SACS: variants seen among roughly 807,000 people sequenced by gnomAD.
SACS encodes sacsin.
A neutral mutation model predicts 348.0 loss-of-function variants in SACS; 197 were observed. The ratio of observed to expected loss-of-function variants is 0.57; its 90% CI spans 0.50 to 0.64. SACS has a LOEUF of 0.64. Among genes scored for constraint, SACS ranks in the 30% least tolerant of loss-of-function variants. SACS has a pLI of 0.00. For missense variants in SACS, 4,999 were observed against 5,360.8 expected (o/e 0.93, Z 2.11); for synonymous variants, 1,985 against 1,910.6 (o/e 1.04, Z -1.02).
In SACS at chr13:23,336,659, G is replaced by T. The variant is rs1478238617; in HGVS notation, c.7217C>A (p.Ser2406Tyr). The T allele has an allele frequency of 1.2e-6, 2 of 1,613,704 alleles. No homozygotes were observed. The highest frequency in any genetic ancestry group is 2.2e-5 in the South Asian group (2 of 91,048). Residue 2406 changes from serine (S) to tyrosine (Y), a missense_variant, in exon 10 of 10, where the codon TCT becomes TAT. By Grantham distance (144) the Ser-to-Tyr change is moderately radical (BLOSUM62 -2). Coordinates refer to ENST00000382292, the MANE Select transcript of SACS (RefSeq NM_014363.6). Reference sequence around the variant, plus strand: ...CTTTGTTCCTCTTTCTTGATCAATAGATTCCAAAACAAGAGCAAAATCTTC... The same window carrying T: ...CTTTGTTCCTCTTTCTTGATCAATATATTCCAAAACAAGAGCAAAATCTTC... ...TVEDFALVLE[S>Y]IDQERGTKQI...
intron 1 of SACS, among the ~76,000 whole-genome samples, chr13:23,424,291 C>G (rs1346379892): frequency 6.6e-6 from 1 of 151,946 alleles, no homozygotes; most frequent in African/African-American, 2.4e-5. Context: ...TTTGGGAGGC[C>G]AAAGCGGGCA....
intron 5 of SACS, among the ~76,000 whole-genome samples, chr13:23,367,799 G>T (rs1443080927): frequency 1.3e-5 from 2 of 152,104 alleles, no homozygotes. Context: ...TCGCCAAGTT[G>T]GCCAGGCTGG....
At position 23,340,231 on chromosome 13, in the gene SACS, G is replaced by A. The variant is rs748321306; in HGVS notation, c.3645C>T (p.Ile1215=). ...CAGCACTAAGGCTAGGTTTTGTGAAGATCCCTAATGCTTTTTCCAGGTTTA... is the reference window on the plus strand; with the variant it reads ...CAGCACTAAGGCTAGGTTTTGTGAAAATCCCTAATGCTTTTTCCAGGTTTA... ...IHVNLEKALG[I]FTKPSLSAVL... Residue 1215 remains isoleucine, a synonymous_variant, in exon 10 of 10, where the codon ATC becomes ATT. Transcript: ENST00000382292. 4.3e-6 allele frequency: 7 copies of A among 1,610,416 alleles called. No individual in the cohort carries two copies. Among genetic ancestry groups the A allele is most frequent in the South Asian group, 2.2e-5 (2 of 90,638 alleles).
Position 23,375,150 on chromosome 13 carries a change from G to A in SACS, c.140C>T (p.Ser47Leu). The A allele has an allele frequency of 4.0e-6, 6 of 1,503,278 alleles. No homozygotes were observed. The highest frequency in any genetic ancestry group is 5.3e-6 in the Non-Finnish European group (6 of 1,126,550). 93.1% of individuals were successfully genotyped at this position (1,503,278 alleles called of 1,614,324 possible). A position where few individuals can be genotyped will look rare whatever the true frequency, so the allele number is the denominator to read the frequency against. The change falls in exon 3 of 10, where the codon TCG (serine) becomes TTG (leucine). Residue 47 changes from serine to leucine, a missense_variant. Coordinates refer to ENST00000382292, the MANE Select transcript of SACS (RefSeq NM_014363.6). ...RIFAETGFPVSEQRLWRGGRE... is the reference protein window; with the variant it reads ...RIFAETGFPVLEQRLWRGGRE... ...GCCGCCGCGCCACAGCCGCTGCTCC[G>A]ACACCGGGAAGCCAGTCTCCGCGAA... is the stretch of plus-strand genomic sequence containing the variant.
In SACS at chr13:23,341,636, A is replaced by G. The variant is rs1007562396; in HGVS notation, c.2240T>C (p.Ile747Thr). Reference sequence around the variant, plus strand: ...CCAGAATGTATTCATTACTTCCTTGATAAGACGTGCAAATCGTTCTGGATT... The same window carrying G: ...CCAGAATGTATTCATTACTTCCTTGGTAAGACGTGCAAATCGTTCTGGATT... ...LLNPERFARL[I>T]KEVMNTFWPG... Residue 747 changes from isoleucine to threonine, a missense_variant, in exon 10 of 10, where the codon ATC becomes ACC. Ile to Thr is a moderately conservative substitution (Grantham distance 89). This residue lies in a region of SACS where 3,156 missense variants were observed against 3,380.1 expected (regional missense o/e 0.93). Coordinates refer to ENST00000382292, the MANE Select transcript of SACS (RefSeq NM_014363.6). 5 of 1,613,492 alleles carry G rather than the reference A, an allele frequency of 3.1e-6. No individual in the cohort carries two copies. In the Admixed American group the frequency reaches 6.7e-5, roughly 22 times the overall value.
chr13:23,430,229 A>C (rs1399480377), intron 1 of SACS, among the ~76,000 whole-genome samples: 1 of 149,362 alleles, frequency 6.7e-6, no homozygotes, highest in East Asian at 1.9e-4. Flanking sequence ...ATTAATAAAT[A>C]AAACTAAAGG....
At position 23,371,121 on chromosome 13, in the gene SACS, A is replaced by G; in HGVS notation, c.216T>C (p.Cys72=). The stretch of plus-strand genomic sequence containing the variant: ...TTGATTGAAGGTTTACAAAAAGATG[A>G]CAATTTTTGGAAGTCAGATCTCCAA... ...IKIGDLTSKN[C]HLFVNLQSKG... is the part of the protein sequence containing the mutation. Residue 72 remains cysteine, a synonymous_variant, in exon 4 of 10, where the codon TGT becomes TGC. Coordinates refer to ENST00000382292, the MANE Select transcript of SACS (RefSeq NM_014363.6). 2 of 1,612,362 alleles carry G rather than the reference A, an allele frequency of 1.2e-6. No individual in the cohort carries two copies. Among genetic ancestry groups the G allele is most frequent in the Non-Finnish European group, 1.7e-6 (2 of 1,178,640 alleles).
At chr13:23,420,252 T>C (rs1873872094) in intron 1 of SACS, among the ~76,000 whole-genome samples, 1 of 152,176 alleles carries the variant, frequency 6.6e-6, no homozygotes, top group African/African-American at 2.4e-5. Context: ...AGATGGGGCA[T>C]AGATTATCTA....
intron 2 of SACS, among the ~76,000 whole-genome samples, chr13:23,386,484 CTTTG>C (rs1872294825): frequency 6.6e-6 from 1 of 152,194 alleles, no homozygotes; most frequent in Non-Finnish European, 1.5e-5. Flanking sequence ...AGAGTTAGAC[CTTTG>C]TTTGGGTTAG....
chr13:23,385,181 C>CA (rs1566096244), intron 2 of SACS, among the ~76,000 whole-genome samples: 1 of 151,922 alleles, frequency 6.6e-6, no homozygotes, highest in African/African-American at 2.4e-5. Context: ...TGCCCCAACT[C>CA]AGTCACATCA....
At chr13:23,366,503 A>T (rs1871072524) in intron 5 of SACS, among the ~76,000 whole-genome samples, 1 of 152,234 alleles carries the variant, frequency 6.6e-6, no homozygotes, top group Non-Finnish European at 1.5e-5. Flanking sequence ...AAAAATTAAC[A>T]ATCTTATTTA....
chr13:23,399,741 T>C (rs1872874623), intron 2 of SACS, among the ~76,000 whole-genome samples: 2 of 152,084 alleles, frequency 1.3e-5, no homozygotes, highest in Admixed American at 1.3e-4. Flanking sequence ...CTTTGAGTGC[T>C]CGTTTTCCTT....
chr13:23,387,475 A>G lies in SACS; in HGVS notation c.21-12206T>C, dbSNP rs3885664. On this transcript the variant is annotated intron_variant, in intron 2 of 9. Coordinates refer to ENST00000382292, the MANE Select transcript of SACS (RefSeq NM_014363.6). ...AGACTCCGTCTCAGAAAAAAAAAAA[A>G]AAAAAAAAAAAGTCTGTGAATGAAA... Among the ~76,000 whole-genome samples, 419 of 132,640 alleles carry G rather than the reference A, an allele frequency of 3.2e-3. 2 individuals carry two copies. The highest frequency in any genetic ancestry group is 8.4e-3 in the African/African-American group (319 of 37,928). The allele number at this position is 132,640 out of a possible 152,430, so 87.0% of individuals were successfully genotyped here.
rs777097951 is a variant in SACS at position 23,334,184 on chromosome 13, C to T, written c.9692G>A (p.Cys3231Tyr). 5 of 1,613,828 alleles carry T rather than the reference C, an allele frequency of 3.1e-6. No individual in the cohort carries two copies. Among genetic ancestry groups the T allele is most frequent in the East Asian group, 4.5e-5 (2 of 44,878 alleles). The change falls in exon 10 of 10, where the codon TGC becomes TAC. Residue 3231 changes from cysteine to tyrosine, a missense_variant. Physicochemically the swap from Cys to Tyr is radical, Grantham distance 194. Around this residue, in one of 6 missense-constraint regions of SACS, gnomAD observed 734 missense variants for 694.0 expected, o/e 1.06. Coordinates refer to ENST00000382292, the MANE Select transcript of SACS (RefSeq NM_014363.6). ...VLPREYKTKSCTKWKDNFASE... is the reference protein window; with the variant it reads ...VLPREYKTKSYTKWKDNFASE... ...TGCAAAATTGTCTTTCCACTTTGTG[C>T]AACTTTTGGTCTTATATTCTCGAGG...
chr13:23,418,753 C>T (rs1035086493), intron 1 of SACS, among the ~76,000 whole-genome samples: 2 of 152,202 alleles, frequency 1.3e-5, no homozygotes, highest in South Asian at 2.1e-4. Flanking sequence ...GATCCCCCTG[C>T]CTCAGCCTCC....
rs748728955 is a variant in SACS, at chr13:23,332,231, G to A, written c.11645C>T (p.Ser3882Phe). The A allele has an allele frequency of 3.7e-6, 6 of 1,613,936 alleles. No individual in the cohort carries two copies. In the South Asian group the frequency reaches 6.6e-5, roughly 18 times the overall value. ...ATTCTGTAGACTCCTGAACAGACCA[G>A]AAACTACTCTCTTAACTGTACGCAT... is the stretch of plus-strand genomic sequence containing the variant. ...NEMRTVKRVV[S>F]GLFRSLQNDS... The change falls in exon 10 of 10, where the codon TCT (serine) becomes TTT (phenylalanine). Residue 3882 changes from serine (S) to phenylalanine (F), a missense_variant. Ser to Phe is a radical substitution (Grantham distance 155, BLOSUM62 -2). This residue lies in a region of SACS where 831 missense variants were observed against 941.8 expected (regional missense o/e 0.88). Coordinates refer to ENST00000382292, the MANE Select transcript of SACS (RefSeq NM_014363.6).
In SACS at chr13:23,334,444, T is replaced by C; in HGVS notation, c.9432A>G (p.Glu3144=). The change falls in exon 10 of 10, where the codon GAA becomes GAG. Residue 3144 remains glutamate, a synonymous_variant. Coordinates refer to ENST00000382292, the MANE Select transcript of SACS (RefSeq NM_014363.6). ...ATCCCTCAACTTCAATCTCATTTTC[T>C]TCTGCATCTTTAAAACAATAATCAA... ...LLVDYCFKDA[E]ENEIEVEGLP... The C allele has an allele frequency of 1.2e-6, 2 of 1,612,612 alleles. No individual in the cohort carries two copies. The highest frequency in any genetic ancestry group is 1.7e-6 in the Non-Finnish European group (2 of 1,179,766).
intron 2 of SACS, among the ~76,000 whole-genome samples, chr13:23,390,875 T>C (rs1449723583): frequency 1.3e-5 from 2 of 152,186 alleles, no homozygotes; most frequent in Non-Finnish European, 2.9e-5. Context: ...CATTCAGGTG[T>C]TTACACTGAG....
chr13:23,379,033 A>G (rs1871931396), intron 2 of SACS, among the ~76,000 whole-genome samples: 1 of 152,118 alleles, frequency 6.6e-6, no homozygotes, highest in African/African-American at 2.4e-5. Context: ...GTCAGTTAAT[A>G]TCCCTTCTGC....
Sources: allele counts gnomAD v4.1 joint callset (sites outside exome capture counted in the v4.1 genomes callset), GRCh38; gene constraint gnomAD v4.1.1; regional missense constraint gnomAD v4.1.1; transcripts MANE v1.5; gene names NCBI Gene and HGNC (gene_info 2026-07-23, HGNC 2026-07-21).